CYP2C19: variants seen among roughly 807,000 people sequenced by gnomAD.
The protein encoded by CYP2C19 is cytochrome P450 2C19.
A neutral mutation model predicts 40.9 loss-of-function variants in CYP2C19; 59 were observed. The observed-to-expected ratio is 1.44, with a 90% confidence interval of 1.17 to 1.79. The LOEUF (loss-of-function observed/expected upper bound fraction) is 1.79. Ranked by LOEUF, CYP2C19 falls within the 40% of genes most tolerant of loss-of-function variation. The probability of loss-of-function intolerance (pLI) is 0.00; values close to 1 mark genes in which losing one functional copy is unlikely to be tolerated. For synonymous variants in CYP2C19, 253 were observed against 208.7 expected, an observed-to-expected ratio of 1.21 and a Z score of -1.83; for missense variants, 754 against 596.9, an observed-to-expected ratio of 1.26 and a Z score of -2.74.
chr10:94,852,287 G>GA (rs1475065458), intron 8 of CYP2C19, among the ~76,000 whole-genome samples: 1 of 152,206 alleles, frequency 6.6e-6, no homozygotes, highest in East Asian at 1.9e-4. Flanking sequence ...TACTTAGCGG[G>GA]AAAAAAATCT....
rs1849682991 is a variant in CYP2C19 at position 94,853,301 on chromosome 10, G to A, written c.*387G>A. The A allele has an allele frequency of 5.2e-6, 2 of 384,356 alleles. No homozygotes were observed. Among genetic ancestry groups the A allele is most frequent in the South Asian group, 2.1e-5 (1 of 48,694 alleles). 23.8% of individuals were successfully genotyped at this position (384,356 alleles called of 1,614,324 possible). On this transcript the variant is annotated 3_prime_UTR_variant, in exon 9 of 9. Transcript: ENST00000371321. ...CTTCCTTCCTTTGTGCATAATGCAGGTGACAAATTAAAGAAAATAGAGTTC... is the reference window on the plus strand; with the variant it reads ...CTTCCTTCCTTTGTGCATAATGCAGATGACAAATTAAAGAAAATAGAGTTC...
intron 5 of CYP2C19, among the ~76,000 whole-genome samples, chr10:94,799,910 T>C (rs1464510280): frequency 2.0e-5 from 3 of 152,176 alleles, no homozygotes; most frequent in African/African-American, 7.2e-5. Context: ...TCTAACCTTT[T>C]TTTCAAGGTT....
intron 5 of CYP2C19, among the ~76,000 whole-genome samples, chr10:94,786,100 C>T (rs1391819411): frequency 6.6e-6 from 1 of 151,976 alleles, no homozygotes; most frequent in Admixed American, 6.6e-5. Flanking sequence ...TCTTTTTCTC[C>T]TTTCTTCTGT....
chr10:94,785,162 A>C (rs1327674077), intron 5 of CYP2C19, among the ~76,000 whole-genome samples: 2 of 151,976 alleles, frequency 1.3e-5, no homozygotes, highest in East Asian at 3.8e-4. Context: ...ACAAAGTTTA[A>C]TTTTGATGAA....
intron 1 of CYP2C19, chr10:94,774,683 A>G (rs760901720): frequency 2.3e-5 from 5 of 217,202 alleles, no homozygotes; most frequent in Non-Finnish European, 4.6e-5. Context: ...TTTCTCAAGC[A>G]TGAGTGTTTG....
Position 94,768,291 on chromosome 10 carries a change from C to T in CYP2C19, c.168+5418C>T, listed in dbSNP as rs112517388. ...AGGCTTACTTTCAAGTACAGTTACA[C>T]CACTAACTTTGCCATAACCTGCCCT... On this transcript the variant is annotated intron_variant, in intron 1 of 8. Transcript: ENST00000371321. Among the ~76,000 whole-genome samples the T allele has an allele frequency of 3.1e-3, 475 of 152,306 alleles. 3 individuals carry two copies. The highest frequency in any genetic ancestry group is 0.011 in the African/African-American group (452 of 41,574).
chr10:94,789,080 A>G (rs575488996), intron 5 of CYP2C19, among the ~76,000 whole-genome samples: 4 of 152,064 alleles, frequency 2.6e-5, no homozygotes, highest in African/African-American at 9.7e-5. Flanking sequence ...TTTGATTTGC[A>G]TTCTTCTAAT....
At chr10:94,826,652 C>T (rs1849228482) in intron 6 of CYP2C19, among the ~76,000 whole-genome samples, 1 of 152,174 alleles carries the variant, frequency 6.6e-6, no homozygotes, top group South Asian at 2.1e-4. Flanking sequence ...CCCTTTATTT[C>T]CTTCTCCTGC....
intron 3 of CYP2C19, among the ~76,000 whole-genome samples, chr10:94,780,259 G>A (rs112513842): frequency 2.0e-5 from 3 of 152,148 alleles, no homozygotes; most frequent in African/African-American, 7.2e-5. Context: ...AAATAGGCCG[G>A]GAATGTAAAT....
intron 5 of CYP2C19, among the ~76,000 whole-genome samples, chr10:94,810,678 G>A (rs1848907420): frequency 6.6e-6 from 1 of 152,108 alleles, no homozygotes; most frequent in Non-Finnish European, 1.5e-5. Context: ...TTGCATAGAG[G>A]TGTTTATAGT....
chr10:94,846,950 T>C (rs918885442), intron 7 of CYP2C19, among the ~76,000 whole-genome samples: 2 of 152,140 alleles, frequency 1.3e-5, no homozygotes, highest in Non-Finnish European at 2.9e-5. Context: ...GTGACTATAC[T>C]TGTTACCATT....
rs1409976679 is a variant in CYP2C19 at position 94,854,636 on chromosome 10, T to C, written c.*1722T>C. 1.3e-5 allele frequency among the ~76,000 whole-genome samples: 2 copies of C among 152,120 alleles called. No homozygotes were observed. The highest frequency in any genetic ancestry group is 2.4e-5 in the African/African-American group (1 of 41,442). On this transcript the variant is annotated 3_prime_UTR_variant, in exon 9 of 9. Transcript: ENST00000371321. ...ATATGGGTACAGATGTACATGTACA[T>C]CTATGCATGTGTGTGTACATTATGT...
At chr10:94,821,917 G>T (rs865884026) in intron 6 of CYP2C19, among the ~76,000 whole-genome samples, 1 of 151,786 alleles carries the variant, frequency 6.6e-6, no homozygotes, top group East Asian at 1.9e-4. Flanking sequence ...CCCAACAGAT[G>T]GTTCTCCAAC....
At chr10:94,786,106 T>C (rs967264940) in intron 5 of CYP2C19, among the ~76,000 whole-genome samples, 5 of 152,048 alleles carry the variant, frequency 3.3e-5, no homozygotes, top group Admixed American at 2.6e-4. Context: ...TCTCCTTTCT[T>C]CTGTTATTAA....
intron 1 of CYP2C19, among the ~76,000 whole-genome samples, chr10:94,770,761 T>C (rs1049760477): frequency 6.6e-6 from 1 of 152,116 alleles, no homozygotes; most frequent in Non-Finnish European, 1.5e-5. Flanking sequence ...CATTGAATAA[T>C]TCATGGGCTT....
chr10:94,764,231 C>T (rs950446611), intron 1 of CYP2C19, among the ~76,000 whole-genome samples: 7 of 152,132 alleles, frequency 4.6e-5, no homozygotes, highest in African/African-American at 1.7e-4. Flanking sequence ...AGCTTTTATT[C>T]CCTTATTTGG....
intron 5 of CYP2C19, among the ~76,000 whole-genome samples, chr10:94,795,603 A>G (rs1419186967): frequency 1.3e-5 from 2 of 152,134 alleles, no homozygotes. Context: ...TGGTTAAACT[A>G]GTTTACAGTC....
rs1848387943 is a variant in CYP2C19, at chr10:94,775,075, C to T, written c.186C>T (p.Gly62=). The T allele has an allele frequency of 1.2e-6, 2 of 1,614,090 alleles. No homozygotes were observed. Among genetic ancestry groups the T allele is most frequent in the Non-Finnish European group, 1.7e-6 (2 of 1,180,014 alleles). ...TTTTCTAGCTCTCAAAAATCTATGG[C>T]CCTGTGTTCACTCTGTATTTTGGCC... The part of the protein sequence containing the change: ...KSLTNLSKIY[G]PVFTLYFGLE... The change falls in exon 2 of 9, where the codon GGC becomes GGT. Residue 62 remains glycine, a synonymous_variant. Coordinates refer to ENST00000371321, the MANE Select transcript of CYP2C19 (RefSeq NM_000769.4).
rs17879685 is a variant in CYP2C19, at chr10:94,849,995, C to G, written c.1228C>G (p.Arg410Gly). 3 of 1,613,698 alleles carry G rather than the reference C, an allele frequency of 1.9e-6. No individual in the cohort carries two copies. The highest frequency in any genetic ancestry group is 1.3e-5 in the African/African-American group (1 of 74,996). The change falls in exon 8 of 9, where the codon CGT (arginine) becomes GGT (glycine). Residue 410 changes from arginine (R) to glycine (G), a missense_variant. Coordinates refer to ENST00000371321, the MANE Select transcript of CYP2C19 (RefSeq NM_000769.4). ...TCCCAACCCAGAGATGTTTGACCCTCGTCACTTTCTGGATGAAGGTGGAAA... is the reference window on the plus strand; with the variant it reads ...TCCCAACCCAGAGATGTTTGACCCTGGTCACTTTCTGGATGAAGGTGGAAA... ...EFPNPEMFDPRHFLDEGGNFK... is the reference protein window; with the variant it reads ...EFPNPEMFDPGHFLDEGGNFK...
Sources: gnomAD v4.1 joint callset for allele counts (sites outside exome capture counted in the v4.1 genomes callset) on GRCh38, gnomAD v4.1.1 for gene constraint, MANE v1.5 for transcripts, NCBI Gene and HGNC (gene_info 2026-07-23, HGNC 2026-07-21) for gene names.